The following GAK variants were observed in gnomAD, a reference collection of about 807,000 sequenced individuals.
GAK encodes the protein cyclin G associated kinase, also known as cyclin-G-associated kinase.
Under a neutral mutation model 143.9 loss-of-function variants are expected in GAK, and 79 were observed. The observed-to-expected ratio is 0.55, with a 90% CI of 0.46 to 0.66. The LOEUF is 0.66. Among genes scored for constraint, GAK ranks in the 30% least tolerant of loss-of-function variants. GAK has a pLI of 0.00. For synonymous variants in GAK, 881 were observed against 765.5 expected, an observed-to-expected ratio of 1.15 and a Z score of -2.49; for missense variants, 1,693 against 1,779.7, an observed-to-expected ratio of 0.95 and a Z score of 0.88.
rs375558636 is a variant in GAK, at chr4:889,574, C to T, written c.1082-604G>A. ...CACCCTTCCTCCAGCCAGCAGAGAC[C>T]CAGCCAGCCACTACACCTGCATGTG... On this transcript the variant is annotated intron_variant, in intron 10 of 27. Coordinates refer to ENST00000314167, the MANE Select transcript of GAK (RefSeq NM_005255.4). 8.4e-4 allele frequency among the ~76,000 whole-genome samples: 128 copies of T among 152,332 alleles called. 1 individual carries two copies. Among genetic ancestry groups the T allele is most frequent in the African/African-American group, 3.0e-3 (123 of 41,580 alleles).
Position 868,463 on chromosome 4 carries a change from C to T in GAK, c.2395+76G>A, listed in dbSNP as rs1237368890. The stretch of plus-strand genomic sequence containing the variant: ...TGCCGGAGGCCCGTCTCCCAAGACG[C>T]TTGCCCTGCCCCAGGGGCACCTCCA... On this transcript the variant is annotated intron_variant, in intron 20 of 27. Transcript: ENST00000314167. 6 of 1,523,562 alleles carry T rather than the reference C, an allele frequency of 3.9e-6. No individual in the cohort carries two copies. The African/African-American group carries it at 6.8e-5, about 17-fold the overall frequency. 94.4% of individuals were successfully genotyped at this position (1,523,562 alleles called of 1,614,324 possible).
At chr4:922,036 C>G (rs529611753) in intron 1 of GAK, among the ~76,000 whole-genome samples, 1 of 152,154 alleles carries the variant, frequency 6.6e-6, no homozygotes, top group Non-Finnish European at 1.5e-5. Flanking sequence ...AAGAGAAACT[C>G]GCTGTTAGGG....
chr4:922,376 A>G lies in GAK; in HGVS notation c.146-8708T>C, dbSNP rs111423563. 8.7e-3 allele frequency among the ~76,000 whole-genome samples: 1,323 copies of G among 152,132 alleles called. 24 individuals are homozygous for G. Among genetic ancestry groups the G allele is most frequent in the African/African-American group, 0.03 (1,247 of 41,504 alleles). Reference sequence around the variant, plus strand: ...CTAAAAATACAAAAATCAGCGGCGCATGGTGGTGGGCGCCTGTAGTCCCAG... The same window carrying G: ...CTAAAAATACAAAAATCAGCGGCGCGTGGTGGTGGGCGCCTGTAGTCCCAG... On this transcript the variant is annotated intron_variant, in intron 1 of 27. Transcript: ENST00000314167.
At position 877,719 on chromosome 4, in the gene GAK, G is replaced by T. The variant is rs142467531; in HGVS notation, c.1752C>A (p.Pro584=). ...TCCTCTGCTTGCTGAACAGCGGCAC[G>T]GGTGTCATGACCACGGCCCTCACCA... ...PILVRAVVMT[P]VPLFSKQRSG... is the part of the protein sequence containing the mutation. The change falls in exon 16 of 28, where the codon CCC becomes CCA. Residue 584 remains proline, a synonymous_variant. Transcript: ENST00000314167. 6.2e-7 allele frequency: 1 copy of T among 1,613,486 alleles called. No homozygotes were observed. The highest frequency in any genetic ancestry group is 8.5e-7 in the Non-Finnish European group (1 of 1,179,938).
In GAK at chr4:883,395, G is replaced by A. The variant is rs1164726704; in HGVS notation, c.1324C>T (p.Leu442=). ...KNNIEDVRLF[L]DSKHPGHYAV... ...TAGTGCCCTGGGTGCTTGGAGTCCAGGAACAACCGCACATCTTCGATGTTG... is the reference window on the plus strand; with the variant it reads ...TAGTGCCCTGGGTGCTTGGAGTCCAAGAACAACCGCACATCTTCGATGTTG... Residue 442 remains leucine, a synonymous_variant, in exon 13 of 28, where the codon CTG becomes TTG. Transcript: ENST00000314167. 4 of 1,613,696 alleles carry A rather than the reference G, an allele frequency of 2.5e-6. No individual in the cohort carries two copies. Among genetic ancestry groups the A allele is most frequent in the Non-Finnish European group, 2.5e-6 (3 of 1,180,020 alleles).
At chr4:922,095 C>G (rs930983703) in intron 1 of GAK, among the ~76,000 whole-genome samples, 4 of 152,154 alleles carry the variant, frequency 2.6e-5, no homozygotes, top group East Asian at 1.9e-4. Context: ...CCAGATGACC[C>G]TATGCGGAGA....
chr4:903,770 C>T (rs890064434), intron 5 of GAK, among the ~76,000 whole-genome samples: 5 of 151,758 alleles, frequency 3.3e-5, no homozygotes, highest in Middle Eastern at 3.2e-3. Flanking sequence ...CTGACACCAC[C>T]GGCGGGCACC....
Position 882,029 on chromosome 4 carries a change from G to A in GAK, c.1539C>T (p.Ala513=), listed in dbSNP as rs753218724. 16 of 1,605,090 alleles carry A rather than the reference G, an allele frequency of 1.0e-5. No homozygotes were observed. The highest frequency in any genetic ancestry group is 2.7e-5 in the African/African-American group (2 of 74,800). ...VCVVHCMDGR[A]ASAVAVCSFL... Reference sequence around the variant, plus strand: ...AGGAGCAGACGGCCACAGCAGACGCGGCTCTCCCGTCCTAGGACAGACAGA... The same window carrying A: ...AGGAGCAGACGGCCACAGCAGACGCAGCTCTCCCGTCCTAGGACAGACAGA... Residue 513 remains alanine, a synonymous_variant, in exon 15 of 28, where the codon GCC becomes GCT. Transcript: ENST00000314167.
chr4:851,487 G>A (rs1425757110), intron 25 of GAK: 2 of 570,250 alleles, frequency 3.5e-6, no homozygotes, highest in Non-Finnish European at 6.2e-6. Context: ...CCAGAGTAAA[G>A]AAGAGGGAAG....
At chr4:866,248 G>A in intron 22 of GAK, 116 bp downstream of exon 22, 3 of 1,071,202 alleles carry the variant, frequency 2.8e-6, no homozygotes, top group Non-Finnish European at 4.1e-6. Context: ...CGCACCCGGA[G>A]GCCACACAGT....
intron 10 of GAK, among the ~76,000 whole-genome samples, chr4:890,161 G>A (rs923960071): frequency 3.3e-5 from 5 of 152,206 alleles, no homozygotes; most frequent in African/African-American, 9.6e-5. Flanking sequence ...TGCCAGACAC[G>A]ACAATGTGAT....
At position 909,935 on chromosome 4, in the gene GAK, C is replaced by T. The variant is rs1404909581; in HGVS notation, c.382+1738G>A. On this transcript the variant is annotated intron_variant, in intron 4 of 27. Transcript: ENST00000314167. Reference sequence around the variant, plus strand: ...TCAGCCTGCAGGCGGCTCTGACCACCCCCAACCCCCGAGACTTCTCGGCCA... The same window carrying T: ...TCAGCCTGCAGGCGGCTCTGACCACTCCCAACCCCCGAGACTTCTCGGCCA... Among the ~76,000 whole-genome samples, 3 of 152,140 alleles carry T rather than the reference C, an allele frequency of 2.0e-5. No homozygotes were observed. The East Asian group carries it at 5.8e-4, about 29-fold the overall frequency.
chr4:856,701 C>T (rs535657383), intron 24 of GAK, among the ~76,000 whole-genome samples: 1 of 151,778 alleles, frequency 6.6e-6, no homozygotes, highest in African/African-American at 2.4e-5. Context: ...CAGCTGCCCA[C>T]ATTTGCTCAC....
chr4:925,510 T>G (rs1487046127), intron 1 of GAK, among the ~76,000 whole-genome samples: 1 of 152,230 alleles, frequency 6.6e-6, no homozygotes, highest in African/African-American at 2.4e-5. Flanking sequence ...TTTTCTAACG[T>G]AAAATACCAC....
In GAK at chr4:932,163, C is replaced by T; in HGVS notation, c.25G>A (p.Asp9Asn). 1 of 1,575,972 alleles carries T rather than the reference C, an allele frequency of 6.3e-7. No homozygotes were observed. The highest frequency in any genetic ancestry group is 1.2e-5 in the South Asian group (1 of 86,596). MSLLQSALDFLAGPGSLGG... is the reference protein window; with the variant it reads MSLLQSALNFLAGPGSLGG... ...AGGGAGCCTGGACCCGCCAAGAAGT[C>T]GAGCGCCGACTGCAGCAGCGACATG... is the stretch of plus-strand genomic sequence containing the variant. The change falls in exon 1 of 28, where the codon GAC becomes AAC. Residue 9 changes from aspartate (D) to asparagine (N), a missense_variant. Transcript: ENST00000314167. This position sits in a 1 kb window ranked among gnomAD's most constrained non-coding sequence, Gnocchi z 4.0.
chr4:921,011 G>A (rs1297006490), intron 1 of GAK, among the ~76,000 whole-genome samples: 1 of 152,212 alleles, frequency 6.6e-6, no homozygotes, highest in African/African-American at 2.4e-5. Context: ...TCAAGGCTAT[G>A]TGGTATTGGC....
chr4:915,734 C>A (rs1163005821), intron 1 of GAK: 1 of 152,220 alleles, frequency 6.6e-6, no homozygotes, highest in Non-Finnish European at 1.5e-5. Flanking sequence ...TAGACGGCAT[C>A]TGTGAGAGAC....
Position 911,746 on chromosome 4 carries a change from A to G in GAK, c.309T>C (p.Ser103=). 6.2e-7 allele frequency: 1 copy of G among 1,614,114 alleles called. No individual in the cohort carries two copies. The highest frequency in any genetic ancestry group is 1.3e-5 in the African/African-American group (1 of 75,066). The change falls in exon 4 of 28, where the codon TCT becomes TCC. Residue 103 remains serine (S), a synonymous_variant. Coordinates refer to ENST00000314167, the MANE Select transcript of GAK (RefSeq NM_005255.4). ...SGHPNIVQFC[S]AASIGKEESD... is the part of the protein sequence containing the mutation. Reference sequence around the variant, plus strand: ...ACTCCTCTTTTCCTATAGACGCTGCAGAACAAAACTGGACAATGTTCGGGT... The same window carrying G: ...ACTCCTCTTTTCCTATAGACGCTGCGGAACAAAACTGGACAATGTTCGGGT...
rs779935828 is a variant in GAK, at chr4:877,104, G to A, written c.1960C>T (p.Arg654Trp). ...IYHARSTLGG[R>W]LQAKMASMKM... is the part of the protein sequence containing the mutation. ...GGCTCTCTCACCTTGGCCTGCAGCC[G>A]GCCGCCCAGAGTGGACCGGGCGTGA... Residue 654 changes from arginine (R) to tryptophan (W), a missense_variant, in exon 17 of 28, where the codon CGG becomes TGG. By Grantham distance (101) the Arg-to-Trp change is moderately radical. Around this residue, in one of 2 missense-constraint regions of GAK, gnomAD observed 871 missense variants for 991.0 expected, o/e 0.88. Coordinates refer to ENST00000314167, the MANE Select transcript of GAK (RefSeq NM_005255.4). The A allele has an allele frequency of 2.5e-6, 4 of 1,612,286 alleles. No homozygotes were observed. Among genetic ancestry groups the A allele is most frequent in the Admixed American group, 1.7e-5 (1 of 60,008 alleles).
Sources: gnomAD v4.1 joint callset for allele counts (sites outside exome capture counted in the v4.1 genomes callset) on GRCh38, gnomAD v4.1.1 for gene constraint, gnomAD v4.1.1 regional missense constraint, Gnocchi (gnomAD v3.1) non-coding constraint, MANE v1.5 for transcripts, NCBI Gene and HGNC (gene_info 2026-07-23, HGNC 2026-07-21) for gene names.